Variants in PLPP1 observed in about 807,000 individuals in gnomAD.
PLPP1 encodes the protein phospholipid phosphatase 1.
Under a neutral mutation model 31.2 loss-of-function variants are expected in PLPP1, and 24 were observed. The observed-to-expected ratio is 0.77, with a 90% CI of 0.56 to 1.08. The LOEUF (loss-of-function observed/expected upper bound fraction) is 1.08, where lower values mean the gene tolerates loss of function less well. Among genes scored for constraint, PLPP1 ranks in the 50% least tolerant of loss-of-function variants. PLPP1 has a pLI of 0.00. For synonymous variants in PLPP1, 146 were observed against 126.3 expected, an observed-to-expected ratio of 1.16 and a Z score of -1.05; for missense variants, 319 against 342.7, an observed-to-expected ratio of 0.93 and a Z score of 0.55.
chr5:55,516,716 T>TTG (rs1471006058), intron 1 of PLPP1, among the ~76,000 whole-genome samples: 1 of 152,220 alleles, frequency 6.6e-6, no homozygotes. Context: ...ACTCAAACTT[T>TTG]ATGTATCCCA....
At chr5:55,433,158 A>T (rs1319442694) in intron 4 of PLPP1, among the ~76,000 whole-genome samples, 1 of 151,074 alleles carries the variant, frequency 6.6e-6, no homozygotes, top group Non-Finnish European at 1.5e-5. Flanking sequence ...AAAAAAAAAA[A>T]AAAAAATACA....
intron 3 of PLPP1, among the ~76,000 whole-genome samples, chr5:55,466,614 A>C (rs758879170): frequency 2.6e-4 from 39 of 152,104 alleles, no homozygotes; most frequent in Non-Finnish European, 4.9e-4. Context: ...GAGGCAGGAG[A>C]ATCGCTTGAA....
chr5:55,509,317 A>T (rs532538447), intron 1 of PLPP1, among the ~76,000 whole-genome samples: 3 of 152,240 alleles, frequency 2.0e-5, no homozygotes, highest in African/African-American at 7.2e-5. Context: ...AGCACTGTAC[A>T]GTATATTTGA....
intron 1 of PLPP1, 36 bp downstream of exon 1, chr5:55,534,536 C>T (rs768990472): frequency 2.2e-5 from 34 of 1,520,638 alleles, no homozygotes; most frequent in South Asian, 8.6e-5. Context: ...CCGGGACAGC[C>T]GCACACGCCC....
intron 1 of PLPP1, among the ~76,000 whole-genome samples, chr5:55,527,721 G>A (rs1740516342): frequency 6.6e-6 from 1 of 152,164 alleles, no homozygotes; most frequent in African/African-American, 2.4e-5. Context: ...GGTTAGCAAC[G>A]TCAGGAAGCC....
At chr5:55,486,055 T>C (rs1752769131) in intron 1 of PLPP1, among the ~76,000 whole-genome samples, 2 of 152,134 alleles carry the variant, frequency 1.3e-5, no homozygotes, top group African/African-American at 4.8e-5. Context: ...GAACACCTGT[T>C]TTCTATGCTT....
intron 4 of PLPP1, among the ~76,000 whole-genome samples, chr5:55,433,024 A>G (rs1751397416): frequency 1.3e-5 from 2 of 151,788 alleles, no homozygotes; most frequent in South Asian, 4.2e-4. Context: ...AAAGAAATAA[A>G]CGGACCAGGT....
At chr5:55,439,027 A>AG (rs1751561341) in intron 4 of PLPP1, among the ~76,000 whole-genome samples, 1 of 152,202 alleles carries the variant, frequency 6.6e-6, no homozygotes, top group Non-Finnish European at 1.5e-5. Flanking sequence ...AGTAAAATGC[A>AG]GTGCATGGTT....
intron 3 of PLPP1, among the ~76,000 whole-genome samples, chr5:55,458,391 T>G (rs1018504893): frequency 6.6e-6 from 1 of 152,028 alleles, no homozygotes; most frequent in Non-Finnish European, 1.5e-5. Context: ...CATATATGCT[T>G]TTTTTTCCTG....
At position 55,426,058 on chromosome 5, in the gene PLPP1, GA is replaced by G. The variant is rs767231556; in HGVS notation, c.550-20del. ...GATAAAGCTAAAAGAAAAGAATAAA[GA>G]AAAAAATAGTTTATTTAACATAACG... On this transcript the variant is annotated intron_variant, in intron 4 of 5. Coordinates refer to ENST00000307259, the MANE Select transcript of PLPP1 (RefSeq NM_003711.4). 14 of 1,552,288 alleles carry G rather than the reference GA, an allele frequency of 9.0e-6. No homozygotes were observed.
At chr5:55,520,009 A>G (rs778104965) in intron 1 of PLPP1, among the ~76,000 whole-genome samples, 1 of 152,234 alleles carries the variant, frequency 6.6e-6, no homozygotes, top group African/African-American at 2.4e-5. Flanking sequence ...TTAGCTCTTG[A>G]CAAGTTTATA....
intron 1 of PLPP1, among the ~76,000 whole-genome samples, chr5:55,507,379 C>CT (rs1358835685): frequency 6.6e-6 from 1 of 152,030 alleles, no homozygotes; most frequent in Middle Eastern, 3.2e-3. Context: ...AGCCATGAGA[C>CT]TTTAAGATTG....
chr5:55,458,033 AGAT>A (rs1752060170), intron 3 of PLPP1, among the ~76,000 whole-genome samples: 1 of 152,210 alleles, frequency 6.6e-6, no homozygotes, highest in African/African-American at 2.4e-5. Flanking sequence ...GATCCAAGAG[AGAT>A]ATTAGAGACA....
chr5:55,500,528 CA>C (rs1753117250), intron 1 of PLPP1, among the ~76,000 whole-genome samples: 1 of 152,044 alleles, frequency 6.6e-6, no homozygotes, highest in South Asian at 2.1e-4. Flanking sequence ...GGTACTAATA[CA>C]AATCAAATCA....
At chr5:55,456,705 T>G (rs891947830) in intron 3 of PLPP1, among the ~76,000 whole-genome samples, 3 of 152,228 alleles carry the variant, frequency 2.0e-5, no homozygotes, top group African/African-American at 7.2e-5. Context: ...TGTACCACTA[T>G]TATACAGCTC....
At position 55,425,337 on chromosome 5, in the gene PLPP1, A is replaced by G; in HGVS notation, c.727-3T>C. 6.3e-7 allele frequency: 1 copy of G among 1,592,044 alleles called. No individual in the cohort carries two copies. Among genetic ancestry groups the G allele is most frequent in the Non-Finnish European group, 8.6e-7 (1 of 1,164,502 alleles). On this transcript the variant is annotated splice_region_variant and splice_polypyrimidine_tract_variant and intron_variant, in intron 5 of 5. Coordinates refer to ENST00000307259, the MANE Select transcript of PLPP1 (RefSeq NM_003711.4). ...AAGAAATCCGATACATATACAGCCT[A>G]CAGTGCAAAATATTTAATGGTATAA...
chr5:55,521,998 G>T (rs941524072), intron 1 of PLPP1, among the ~76,000 whole-genome samples: 2 of 152,204 alleles, frequency 1.3e-5, no homozygotes, highest in Non-Finnish European at 2.9e-5. Context: ...AGAATCTGCC[G>T]TGACAAGCTG....
At position 55,530,802 on chromosome 5, in the gene PLPP1, C is replaced by CCGCA; in HGVS notation, c.58+3766_58+3769dup. Reference sequence around the variant, plus strand: ...AGAAAACGTGCTGACAGGGCGCGGTCCGCACGGGCGTTTTGAGCACCTCCT... The same window carrying CCGCA: ...AGAAAACGTGCTGACAGGGCGCGGTCCGCACGCACGGGCGTTTTGAGCACCTCCT... On this transcript the variant is annotated intron_variant, in intron 1 of 5. Coordinates refer to ENST00000307259, the MANE Select transcript of PLPP1 (RefSeq NM_003711.4). 3 of 1,444,580 alleles carry CCGCA rather than the reference C, an allele frequency of 2.1e-6. No homozygotes were observed. In the Admixed American group the frequency reaches 5.1e-5, roughly 25 times the overall value. 89.5% of individuals were successfully genotyped at this position (1,444,580 alleles called of 1,614,324 possible).
At chr5:55,426,332 G>T (rs958447979) in intron 4 of PLPP1, among the ~76,000 whole-genome samples, 1 of 152,054 alleles carries the variant, frequency 6.6e-6, no homozygotes, top group Non-Finnish European at 1.5e-5. Flanking sequence ...AGGATTTCAG[G>T]GACAGTTCCT....
Sources: allele counts gnomAD v4.1 joint callset (sites outside exome capture counted in the v4.1 genomes callset), GRCh38; gene constraint gnomAD v4.1.1; transcripts MANE v1.5; gene names NCBI Gene and HGNC (gene_info 2026-07-23, HGNC 2026-07-21).